The following AKT1 variants were observed in gnomAD, a reference collection of about 807,000 sequenced individuals.
AKT1 encodes AKT serine/threonine kinase 1, also known as RAC-alpha serine/threonine-protein kinase.
Under a neutral mutation model 63.1 loss-of-function variants are expected in AKT1, and 21 were observed. The ratio of observed to expected loss-of-function variants is 0.33; its 90% CI spans 0.24 to 0.48. The LOEUF (loss-of-function observed/expected upper bound fraction) is 0.48. Ranked by LOEUF, AKT1 falls within the 20% of genes least tolerant of loss-of-function variation. AKT1 has a pLI of 0.99. For synonymous variants in AKT1, 257 were observed against 253.1 expected (o/e 1.02, Z -0.15); for missense variants, 382 against 666.0 (o/e 0.57, Z 4.69).
intron 8 of AKT1, 60 bp from the exon 9 acceptor site, chr14:104,774,040 G>T (rs530717201): frequency 6.6e-7 from 1 of 1,511,386 alleles, no homozygotes; most frequent in East Asian, 2.4e-5. Flanking sequence ...CCCGCACCAC[G>T]CTGCCCGACA....
intron 2 of AKT1, 102 bp downstream of exon 2, chr14:104,793,025 A>C: frequency 2.7e-6 from 1 of 376,310 alleles, no homozygotes; most frequent in Non-Finnish European, 5.0e-6. Flanking sequence ...CGCAACAGCC[A>C]GGCCCTGAGA....
intron 3 of AKT1, among the ~76,000 whole-genome samples, chr14:104,784,821 G>A (rs74090028): frequency 0.012 from 1,846 of 152,268 alleles, 32 homozygotes; most frequent in African/African-American, 0.042. Context: ...GGACTGGGTG[G>A]GCCCCTGAGG....
At chr14:104,772,172 C>G in intron 13 of AKT1, 193 bp downstream of exon 13, 1 of 628,840 alleles carries the variant, frequency 1.6e-6, no homozygotes, top group South Asian at 1.9e-5. Context: ...CCTGGTGGAA[C>G]CCGGCAGTGC....
chr14:104,775,570 C>G (rs748950500), intron 6 of AKT1, 82 bp downstream of exon 6: 237 of 1,538,292 alleles, frequency 1.5e-4, no homozygotes, highest in Non-Finnish European at 2.0e-4. Flanking sequence ...TCTCCTGGGC[C>G]GAGCTGGGAC....
intron 13 of AKT1, chr14:104,771,067 C>A: frequency 1.8e-6 from 1 of 553,544 alleles, no homozygotes; most frequent in Non-Finnish European, 3.2e-6. Flanking sequence ...ACAGCTGAGA[C>A]GCAAAGCTGC....
At position 104,776,939 on chromosome 14, in the gene AKT1, G is replaced by C; in HGVS notation, c.176-169C>G. On this transcript the variant is annotated intron_variant, in intron 4 of 14. Coordinates refer to ENST00000649815, the MANE Select transcript of AKT1 (RefSeq NM_001382430.1). ...TCAGTTTCTCGCCTCACAGAGTGGG[G>C]CTAGGACCCCTGTTCCAGCTCAGAC... 5 of 592,814 alleles carry C rather than the reference G, an allele frequency of 8.4e-6. No homozygotes were observed. The South Asian group carries it at 1.0e-4, about 12-fold the overall frequency. 36.7% of individuals were successfully genotyped at this position (592,814 alleles called of 1,614,324 possible). A position where few individuals can be genotyped will look rare whatever the true frequency, so the allele number is the denominator to read the frequency against.
intron 10 of AKT1, 26 bp from the exon 11 acceptor site, chr14:104,773,405 G>A (rs1179982299): frequency 5.6e-6 from 9 of 1,613,978 alleles, no homozygotes; most frequent in Non-Finnish European, 6.8e-6. Flanking sequence ...CCTCAGGTCA[G>A]TGCCGCCAGG....
chr14:104,788,220 T>C (rs915930558), intron 3 of AKT1, among the ~76,000 whole-genome samples: 9 of 151,696 alleles, frequency 5.9e-5, no homozygotes, highest in African/African-American at 1.5e-4. Flanking sequence ...CAGCCTGGGG[T>C]TGACCCTCAC....
At position 104,771,975 on chromosome 14, in the gene AKT1, C is replaced by T; in HGVS notation, c.1260+390G>A. 8.2e-6 allele frequency: 3 copies of T among 366,368 alleles called. No homozygotes were observed. The East Asian group carries it at 1.3e-4, about 16-fold the overall frequency. The allele number at this position is 366,368 out of a possible 1,614,324, so 22.7% of individuals were successfully genotyped here. A position where few individuals can be genotyped will look rare whatever the true frequency, so the allele number is the denominator to read the frequency against. Reference sequence around the variant, plus strand: ...TGCGGCAGAAGGGATTGAGGTCAAACAGGAGGAACTCGTGGAGGCCAAGGG... The same window carrying T: ...TGCGGCAGAAGGGATTGAGGTCAAATAGGAGGAACTCGTGGAGGCCAAGGG... On this transcript the variant is annotated intron_variant, in intron 13 of 14. Transcript: ENST00000649815.
intron 4 of AKT1, chr14:104,777,112 A>C: frequency 3.6e-6 from 1 of 274,156 alleles, no homozygotes; most frequent in Non-Finnish European, 7.1e-6. Flanking sequence ...TGGAGATCCC[A>C]CAGAGGGGCT....
intron 5 of AKT1, chr14:104,776,080 G>C (rs1364123220): frequency 7.8e-6 from 2 of 256,072 alleles, no homozygotes; most frequent in South Asian, 5.5e-5. Flanking sequence ...GCAGGACTCC[G>C]CCCCCCCCAA....
At chr14:104,778,679 G>A (rs929816996) in intron 4 of AKT1, 1 of 152,282 alleles carries the variant, frequency 6.6e-6, no homozygotes, top group Non-Finnish European at 1.5e-5. Context: ...AGGCACCAAG[G>A]GTGGGAGTCC....
intron 4 of AKT1, chr14:104,777,107 A>G (rs1393285631): frequency 3.5e-6 from 1 of 286,204 alleles, no homozygotes; most frequent in Non-Finnish European, 6.7e-6. Context: ...GGGTATGGAG[A>G]TCCCACAGAG....
At chr14:104,788,370 T>C (rs1893440594) in intron 3 of AKT1, among the ~76,000 whole-genome samples, 1 of 152,092 alleles carries the variant, frequency 6.6e-6, no homozygotes, top group East Asian at 1.9e-4. Context: ...GGCGGGGTAA[T>C]GAGCAGCCTC....
intron 2 of AKT1, 87 bp from the exon 3 acceptor site, chr14:104,792,809 G>A: frequency 1.4e-5 from 11 of 790,100 alleles, no homozygotes; most frequent in South Asian, 9.4e-5. Context: ...CCCACTGCAC[G>A]TGCCTGGGGG....
intron 11 of AKT1, 30 bp from the exon 12 acceptor site, chr14:104,773,122 G>A (rs2140903604): frequency 6.2e-7 from 1 of 1,612,792 alleles, no homozygotes; most frequent in Admixed American, 1.7e-5. Context: ...GCAGGACTCG[G>A]CATCAAGGGG....
At position 104,795,440 on chromosome 14, in the gene AKT1, G is replaced by C. The variant is rs1893843383; in HGVS notation, c.-258+44C>G. 1 of 147,126 alleles carries C rather than the reference G, an allele frequency of 6.8e-6. No individual in the cohort carries two copies. The highest frequency in any genetic ancestry group is 2.4e-5 in the African/African-American group (1 of 40,848). The allele number at this position is 147,126 out of a possible 1,614,324, so 9.1% of individuals were successfully genotyped here. A position where few individuals can be genotyped will look rare whatever the true frequency, so the allele number is the denominator to read the frequency against. On this transcript the variant is annotated intron_variant, in intron 1 of 14. Transcript: ENST00000649815. The surrounding 1 kb of genome is among the most constrained non-coding windows in gnomAD (Gnocchi z 5.1). ...GCGAACAAAGCGGCCCGGCCCGCGG[G>C]GAGGAAATCCAGGCCCGGGCGGCCA...
At position 104,769,454 on chromosome 14, in the gene AKT1, C is replaced by T. The variant is rs140320743; in HGVS notation, c.*887G>A. On this transcript the variant is annotated 3_prime_UTR_variant, in exon 15 of 15. Transcript: ENST00000649815. ...GTTGTAAAAAAACGCCGTGGTGCAG[C>T]GGCAGCGGCAGCGTCTGGCCAGGAG... is the stretch of plus-strand genomic sequence containing the variant. 1.7e-4 allele frequency: 74 copies of T among 435,566 alleles called. No individual in the cohort carries two copies. Among genetic ancestry groups the T allele is most frequent in the African/African-American group, 1.3e-3 (63 of 48,332 alleles). 27.0% of individuals were successfully genotyped at this position (435,566 alleles called of 1,614,324 possible). A position where few individuals can be genotyped will look rare whatever the true frequency, so the allele number is the denominator to read the frequency against.
rs1892286598 is a variant in AKT1 at position 104,770,034 on chromosome 14, C to A, written c.*307G>T. ...GGACCTGCCCGGCCCCCCAATGCCACATTGCGCATAGCTGCAGAAGTCCTT... is the reference window on the plus strand; with the variant it reads ...GGACCTGCCCGGCCCCCCAATGCCAAATTGCGCATAGCTGCAGAAGTCCTT... On this transcript the variant is annotated 3_prime_UTR_variant, in exon 15 of 15. Coordinates refer to ENST00000649815, the MANE Select transcript of AKT1 (RefSeq NM_001382430.1). 6.1e-6 allele frequency: 3 copies of A among 490,696 alleles called. No homozygotes were observed. In the South Asian group the frequency reaches 6.3e-5, roughly 10 times the overall value. 30.4% of individuals were successfully genotyped at this position (490,696 alleles called of 1,614,324 possible).
Sources: gnomAD v4.1 joint callset for allele counts (sites outside exome capture counted in the v4.1 genomes callset) on GRCh38, gnomAD v4.1.1 for gene constraint, Gnocchi (gnomAD v3.1) non-coding constraint, MANE v1.5 for transcripts, NCBI Gene and HGNC (gene_info 2026-07-23, HGNC 2026-07-21) for gene names.